The following PAK1 variants were observed in gnomAD, a reference collection of about 807,000 sequenced individuals.
The protein encoded by PAK1 is serine/threonine-protein kinase PAK 1.
A neutral mutation model predicts 67.4 loss-of-function variants in PAK1; 29 were observed. That is an observed-to-expected ratio of 0.43 (90% CI 0.32 to 0.59). PAK1 has a LOEUF of 0.59. Among genes scored for constraint, PAK1 ranks in the 20% least tolerant of loss-of-function variants. The probability of loss-of-function intolerance (pLI) is 0.07; values close to 1 mark genes in which losing one functional copy is unlikely to be tolerated. For missense variants in PAK1, 337 were observed against 670.7 expected, an observed-to-expected ratio of 0.50 and a Z score of 5.50; for synonymous variants, 223 against 237.4, an observed-to-expected ratio of 0.94 and a Z score of 0.56.
chr11:77,444,355 T>C (rs1956500415), intron 1 of PAK1, among the ~76,000 whole-genome samples: 1 of 151,796 alleles, frequency 6.6e-6, no homozygotes, highest in Non-Finnish European at 1.5e-5. Flanking sequence ...TTTAACTTAT[T>C]TGGTCCAGGG....
At chr11:77,529,053 A>G in the PAK1 span, among the ~76,000 whole-genome samples, 1 of 152,146 alleles carries the variant, frequency 6.6e-6, no homozygotes, top group Admixed American at 6.5e-5. Context: ...GCAACCACTG[A>G]TGATTTTTGC....
At position 77,358,961 on chromosome 11, in the gene PAK1, A is replaced by C. The variant is rs866570863; in HGVS notation, c.534T>G (p.Asp178Glu). 6.2e-7 allele frequency: 1 copy of C among 1,612,602 alleles called. No homozygotes were observed. ...PAVPPVSEDE[D>E]DDDDDATPPP... ...GTGGGGTAGCATCATCATCATCATC[A>C]TCCTCATCTTCTGAAACTGGTGGCA... is the stretch of plus-strand genomic sequence containing the variant. Residue 178 changes from aspartate to glutamate, a missense_variant, in exon 6 of 15, where the codon GAT becomes GAG. Asp to Glu is a conservative substitution (Grantham distance 45). Coordinates refer to ENST00000356341, the MANE Select transcript of PAK1 (RefSeq NM_002576.5).
At chr11:77,471,242 G>A (rs533381160) in intron 1 of PAK1, among the ~76,000 whole-genome samples, 17 of 152,300 alleles carry the variant, frequency 1.1e-4, no homozygotes, top group African/African-American at 3.4e-4. Context: ...TGCTACGGAA[G>A]AAAAACGGGA....
upstream of PAK1, chr11:77,475,070 T>C (rs759499683): frequency 3.3e-5 from 5 of 152,342 alleles, no homozygotes; most frequent in East Asian, 1.9e-4. Flanking sequence ...AGTTTTACCA[T>C]GGTAATAGTA....
upstream of PAK1, chr11:77,475,076 T>C (rs1170998551): frequency 6.6e-6 from 1 of 152,226 alleles, no homozygotes; most frequent in Non-Finnish European, 1.5e-5. Flanking sequence ...ACCATGGTAA[T>C]AGTAACAAGC....
rs565741651 is a variant in PAK1, at chr11:77,387,564, A to T, written c.190+4767T>A. On this transcript the variant is annotated intron_variant, in intron 2 of 14. Transcript: ENST00000356341. ...CTAAGCCTTAGCCTCCCCAACTAAA[A>T]ATGAGTTGTTGTAGGTATCAAATAA... Among the ~76,000 whole-genome samples the T allele has an allele frequency of 6.7e-4, 102 of 152,320 alleles. 1 individual carries two copies. Among genetic ancestry groups the T allele is most frequent in the African/African-American group, 2.4e-3 (99 of 41,580 alleles).
intron 2 of PAK1, among the ~76,000 whole-genome samples, chr11:77,388,330 T>C (rs1950705370): frequency 6.6e-6 from 1 of 152,206 alleles, no homozygotes; most frequent in Admixed American, 6.5e-5. Context: ...AACATCACAT[T>C]TATGTAATTA....
intron 1 of PAK1, among the ~76,000 whole-genome samples, chr11:77,422,103 A>G (rs967508258): frequency 3.3e-5 from 5 of 152,156 alleles, no homozygotes; most frequent in Non-Finnish European, 5.9e-5. Flanking sequence ...AAAGTATTTG[A>G]TAGTATTTAT....
intron 11 of PAK1, 66 bp downstream of exon 11, chr11:77,340,580 G>C: frequency 1.2e-6 from 1 of 818,174 alleles, no homozygotes; most frequent in Non-Finnish European, 2.2e-6. Context: ...CACTGTACAG[G>C]GAACTTCAGG....
chr11:77,438,345 A>G (rs1460149499), intron 1 of PAK1, among the ~76,000 whole-genome samples: 1 of 152,136 alleles, frequency 6.6e-6, no homozygotes, highest in East Asian at 1.9e-4. Context: ...ATCCATTCCC[A>G]TGATCCAACC....
chr11:77,396,081 C>T (rs887395367), intron 1 of PAK1, among the ~76,000 whole-genome samples: 1 of 152,296 alleles, frequency 6.6e-6, no homozygotes, highest in Non-Finnish European at 1.5e-5. Flanking sequence ...CCACAGCCCA[C>T]GATTATGCCA....
the PAK1 span, among the ~76,000 whole-genome samples, chr11:77,524,079 G>T: frequency 6.6e-6 from 1 of 152,130 alleles, no homozygotes; most frequent in Non-Finnish European, 1.5e-5. Context: ...CCACAGAAAG[G>T]CCCCAATGAG....
Position 77,463,829 on chromosome 11 carries a change from C to A in PAK1, c.-22+9723G>T, listed in dbSNP as rs993314682. ...ATACCATTTACTCTTGCTTCCTATA[C>A]AACAGCCATAATTTTTTTTAGTTCC... On this transcript the variant is annotated intron_variant, in intron 1 of 14. Transcript: ENST00000356341. Among the ~76,000 whole-genome samples, 3 of 146,286 alleles carry A rather than the reference C, an allele frequency of 2.1e-5. No individual in the cohort carries two copies. The East Asian group carries it at 6.1e-4, about 30-fold the overall frequency.
intron 14 of PAK1, among the ~76,000 whole-genome samples, chr11:77,327,727 T>C (rs1240542858): frequency 6.6e-6 from 1 of 152,144 alleles, no homozygotes; most frequent in African/African-American, 2.4e-5. Context: ...CTGCACCAAC[T>C]AACGAGCAAA....
intron 1 of PAK1, among the ~76,000 whole-genome samples, chr11:77,418,536 A>G (rs941652360): frequency 4.6e-5 from 7 of 152,218 alleles, no homozygotes; most frequent in Admixed American, 3.3e-4. Context: ...CACCATTTTC[A>G]TAAGAATAGC....
chr11:77,448,582 G>A (rs1241588042), intron 1 of PAK1, among the ~76,000 whole-genome samples: 2 of 152,204 alleles, frequency 1.3e-5, no homozygotes, highest in African/African-American at 2.4e-5. Context: ...TTTGAACTTG[G>A]TCTTGAAGGT....
chr11:77,428,354 G>C (rs1311518731), intron 1 of PAK1, among the ~76,000 whole-genome samples: 1 of 152,084 alleles, frequency 6.6e-6, no homozygotes, highest in Non-Finnish European at 1.5e-5. Context: ...ACAAGGTCGG[G>C]AGATCGAGAC....
At chr11:77,400,009 G>GT (rs1451683555) in intron 1 of PAK1, among the ~76,000 whole-genome samples, 3 of 151,956 alleles carry the variant, frequency 2.0e-5, no homozygotes, top group African/African-American at 7.3e-5. Context: ...GGTACTCACT[G>GT]TAAGATTCTT....
the PAK1 span, among the ~76,000 whole-genome samples, chr11:77,483,101 G>A: frequency 6.6e-6 from 1 of 151,838 alleles, no homozygotes; most frequent in Non-Finnish European, 1.5e-5. Context: ...GGAGGCTGAG[G>A]CAGGAGAATC....
Sources: allele counts gnomAD v4.1 joint callset (sites outside exome capture counted in the v4.1 genomes callset), GRCh38; gene constraint gnomAD v4.1.1; transcripts MANE v1.5; gene names NCBI Gene and HGNC (gene_info 2026-07-23, HGNC 2026-07-21).